Variants in DIS3L observed in about 807,000 individuals in gnomAD.
DIS3L encodes DIS3-like exonuclease 1.
In DIS3L, 100 loss-of-function variants were observed where a neutral mutation model predicts 120.3. That is an observed-to-expected ratio of 0.83 (90% CI 0.71 to 0.98). The LOEUF (loss-of-function observed/expected upper bound fraction) is 0.98. Among genes scored for constraint, DIS3L ranks in the 50% least tolerant of loss-of-function variants. The pLI is 0.00. For missense variants in DIS3L, 1,196 were observed against 1,314.2 expected (o/e 0.91, Z 1.39); for synonymous variants, 426 against 470.6 (o/e 0.91, Z 1.23).
At chr15:66,320,764 A>T (rs2092875345) in intron 9 of DIS3L, 32 bp downstream of exon 9, 1 of 1,589,198 alleles carries the variant, frequency 6.3e-7, no homozygotes. Context: ...TGATCTAGTG[A>T]CATTTTCTTT....
upstream of DIS3L, chr15:66,293,440 G>A: frequency 8.4e-7 from 1 of 1,191,476 alleles, no homozygotes; most frequent in Non-Finnish European, 1.0e-6. Flanking sequence ...CGGGAGGGCC[G>A]GGCCCCAGCC....
intron 15 of DIS3L, among the ~76,000 whole-genome samples, chr15:66,332,321 G>A (rs1381578021): frequency 1.3e-5 from 2 of 152,102 alleles, no homozygotes; most frequent in Admixed American, 6.5e-5. Flanking sequence ...GCCGGGCATG[G>A]TGACGCATGC....
Position 66,320,558 on chromosome 15 carries a change from T to C in DIS3L, c.1165-13T>C, listed in dbSNP as rs72748367. 0.027 allele frequency: 44,025 copies of C among 1,605,092 alleles called. 700 individuals carry two copies. Among genetic ancestry groups the C allele is most frequent in the Non-Finnish European group, 0.03 (35,437 of 1,176,244 alleles). ...TGGTGCTCAGCTGTGTTTTATTTTT[T>C]CCTTTTGTGCAGGACTTCAGGGTGG... is the stretch of plus-strand genomic sequence containing the variant. On this transcript the variant is annotated splice_polypyrimidine_tract_variant and intron_variant, in intron 8 of 16. Transcript: ENST00000319212.
At chr15:66,300,938 T>C (rs2092641002) in intron 2 of DIS3L, among the ~76,000 whole-genome samples, 2 of 152,252 alleles carry the variant, frequency 1.3e-5, no homozygotes, top group Admixed American at 6.5e-5. Context: ...TGTGGAAAAC[T>C]CAGTGGTGTC....
At chr15:66,326,919 T>C (rs1330746893) in intron 12 of DIS3L, among the ~76,000 whole-genome samples, 1 of 150,814 alleles carries the variant, frequency 6.6e-6, no homozygotes, top group African/African-American at 2.4e-5. Flanking sequence ...TTTGGGTTTT[T>C]TTGTTCGGTT....
At chr15:66,316,730 G>A (rs772350825) in intron 7 of DIS3L, among the ~76,000 whole-genome samples, 1 of 152,152 alleles carries the variant, frequency 6.6e-6, no homozygotes, top group East Asian at 1.9e-4. Context: ...CACGAGAATC[G>A]CTTGAACCTA....
At chr15:66,295,701 T>C (rs1480320564) in intron 2 of DIS3L, among the ~76,000 whole-genome samples, 1 of 152,234 alleles carries the variant, frequency 6.6e-6, no homozygotes, top group Admixed American at 6.5e-5. Context: ...AGTCTAAAAT[T>C]CTTGCCTAGT....
chr15:66,320,614 C>A lies in DIS3L; in HGVS notation c.1208C>A (p.Ser403Tyr), dbSNP rs377165135. 9.9e-6 allele frequency: 16 copies of A among 1,613,874 alleles called. No homozygotes were observed. In the African/African-American group the frequency reaches 2.1e-4, roughly 22 times the overall value. Residue 403 changes from serine (S) to tyrosine (Y), a missense_variant, in exon 9 of 17, where the codon TCT (serine) becomes TAT (tyrosine). Coordinates refer to ENST00000319212, the MANE Select transcript of DIS3L (RefSeq NM_001143688.3). ...CGCATCGATTCCTGGGAGTCAACAT[C>A]TGTGTATCCAAATGGACATTTTGTG... ...VVRIDSWESTSVYPNGHFVRV... is the reference protein window; with the variant it reads ...VVRIDSWESTYVYPNGHFVRV...
At chr15:66,331,013 G>C (rs567774233) in intron 14 of DIS3L, among the ~76,000 whole-genome samples, 1 of 152,144 alleles carries the variant, frequency 6.6e-6, no homozygotes, top group African/African-American at 2.4e-5. Flanking sequence ...AAATTAGCCA[G>C]GCATGGTGGT....
chr15:66,323,622 GCC>G, intron 11 of DIS3L, 37 bp downstream of exon 11: 1 of 1,602,784 alleles, frequency 6.2e-7, no homozygotes, highest in South Asian at 1.1e-5. Context: ...GCTTGTCCTG[GCC>G]CTTCTGTGGC....
Position 66,329,101 on chromosome 15 carries a change from C to G in DIS3L, c.2333C>G (p.Ala778Gly). 6.2e-7 allele frequency: 1 copy of G among 1,613,082 alleles called. No homozygotes were observed. Among genetic ancestry groups the G allele is most frequent in the South Asian group, 1.1e-5 (1 of 90,740 alleles). The change falls in exon 13 of 17, where the codon GCG (alanine) becomes GGG (glycine). Residue 778 changes from alanine (A) to glycine (G), a missense_variant. By Grantham distance (60) the Ala-to-Gly change is moderately conservative. Transcript: ENST00000319212. ...CTGTACTTCTCCACCGGATCCTGTG[C>G]GGAGGAGGAGTTCCATCATTACGGT... ...NALYFSTGSC[A>G]EEEFHHYGLA...
intron 14 of DIS3L, chr15:66,329,687 G>A (rs921319611): frequency 4.8e-6 from 5 of 1,048,896 alleles, no homozygotes; most frequent in South Asian, 3.6e-5. Context: ...ACTTGAGGGC[G>A]GATCACTTGA....
intron 8 of DIS3L, 37 bp from the exon 9 acceptor site, chr15:66,320,533 TG>T (rs2092870993): frequency 6.3e-7 from 1 of 1,582,890 alleles, no homozygotes; most frequent in Non-Finnish European, 8.6e-7. Context: ...ACTTAACTCC[TG>T]GTGCTCAGCT....
chr15:66,316,139 T>C (rs1412443857), intron 7 of DIS3L, among the ~76,000 whole-genome samples: 1 of 152,182 alleles, frequency 6.6e-6, no homozygotes, highest in Non-Finnish European at 1.5e-5. Context: ...TACTCAGTTG[T>C]CTATTTGGCA....
chr15:66,319,319 A>C (rs967560612), intron 8 of DIS3L, among the ~76,000 whole-genome samples: 11 of 152,232 alleles, frequency 7.2e-5, no homozygotes, highest in Non-Finnish European at 1.6e-4. Context: ...CAGGCCAGAG[A>C]GAAATTGTCC....
chr15:66,323,941 G>C (rs889569769), intron 11 of DIS3L, among the ~76,000 whole-genome samples: 9 of 152,092 alleles, frequency 5.9e-5, no homozygotes, highest in South Asian at 2.1e-4. Flanking sequence ...TCATGAACTC[G>C]GGGAGTTTTT....
intron 7 of DIS3L, among the ~76,000 whole-genome samples, chr15:66,316,539 G>T (rs1398839128): frequency 1.3e-5 from 2 of 152,112 alleles, no homozygotes; most frequent in Non-Finnish European, 2.9e-5. Flanking sequence ...AGTTGAGCTG[G>T]GTGCTGTGGC....
At chr15:66,317,267 G>T (rs2092827213) in intron 7 of DIS3L, among the ~76,000 whole-genome samples, 1 of 147,080 alleles carries the variant, frequency 6.8e-6, no homozygotes, top group Admixed American at 6.9e-5. Context: ...CAAGGACTTT[G>T]CCTGTTATGG....
chr15:66,323,530 A>T lies in DIS3L; in HGVS notation c.1612A>T (p.Met538Leu). 1 of 1,614,268 alleles carries T rather than the reference A, an allele frequency of 6.2e-7. No homozygotes were observed. Among genetic ancestry groups the T allele is most frequent in the East Asian group, 2.2e-5 (1 of 44,892 alleles). The change falls in exon 11 of 17, where the codon ATG becomes TTG. Residue 538 changes from methionine (M) to leucine (L), a missense_variant. Met to Leu is a conservative substitution (Grantham distance 15). Coordinates refer to ENST00000319212, the MANE Select transcript of DIS3L (RefSeq NM_001143688.3). ...TTATCTAGCAGATCGTCGCTATGAC[A>T]TGCTGCCTTCCGTCCTCAGTGCAGA... ...TYYLADRRYD[M>L]LPSVLSADLC...
Sources: gnomAD v4.1 joint callset for allele counts (sites outside exome capture counted in the v4.1 genomes callset) on GRCh38, gnomAD v4.1.1 for gene constraint, MANE v1.5 for transcripts, NCBI Gene and HGNC (gene_info 2026-07-23, HGNC 2026-07-21) for gene names.